The following RNF130 variants were observed in gnomAD, a reference collection of about 807,000 sequenced individuals.
The protein encoded by RNF130 is ring finger protein 130.
Under a neutral mutation model 44.6 loss-of-function variants are expected in RNF130, and 21 were observed. The observed-to-expected ratio is 0.47, with a 90% confidence interval of 0.33 to 0.68. The LOEUF is 0.68. RNF130 is among the 30% of genes least tolerant of loss of function. The pLI, the probability that RNF130 is intolerant of heterozygous loss-of-function variation, is 0.02. For synonymous variants in RNF130, 214 were observed against 210.4 expected, an observed-to-expected ratio of 1.02 and a Z score of -0.15; for missense variants, 479 against 560.6, an observed-to-expected ratio of 0.85 and a Z score of 1.47.
rs58899481 is a variant in RNF130 at position 179,980,965 on chromosome 5, G to C, written c.694-765C>G. On this transcript the variant is annotated intron_variant, in intron 3 of 8. Coordinates refer to ENST00000521389, the MANE Select transcript of RNF130 (RefSeq NM_018434.6). ...TATACTCAAGCATGCCCAGGGCCAG[G>C]TGGCAGCACAGAGGAGGCGACTAGG... Among the ~76,000 whole-genome samples the C allele has an allele frequency of 7.5e-3, 1,144 of 152,218 alleles. 14 individuals carry two copies. Among genetic ancestry groups the C allele is most frequent in the African/African-American group, 0.026 (1,080 of 41,538 alleles).
chr5:179,976,436 G>C (rs1022442274), intron 5 of RNF130, among the ~76,000 whole-genome samples: 10 of 152,308 alleles, frequency 6.6e-5, no homozygotes, highest in African/African-American at 2.4e-4. Flanking sequence ...TGTTGAAGCA[G>C]GCAAGTGTGG....
intron 7 of RNF130, among the ~76,000 whole-genome samples, chr5:179,924,721 G>C (rs1226643292): frequency 6.6e-6 from 1 of 152,104 alleles, no homozygotes; most frequent in Admixed American, 6.6e-5. Context: ...CCTGGGAGGT[G>C]GAGGTTGCAG....
intron 1 of RNF130, among the ~76,000 whole-genome samples, chr5:180,046,264 G>T (rs893372480): frequency 6.6e-6 from 1 of 152,030 alleles, no homozygotes; most frequent in Non-Finnish European, 1.5e-5. Context: ...GGCCAGCCTC[G>T]GCCAGCCCAG....
At chr5:179,943,601 G>T (rs1344906121) in intron 7 of RNF130, among the ~76,000 whole-genome samples, 1 of 152,218 alleles carries the variant, frequency 6.6e-6, no homozygotes, top group Admixed American at 6.5e-5. Flanking sequence ...CTGCCTGCAA[G>T]ATAGATGTGT....
chr5:179,967,945 T>C (rs968498272), intron 6 of RNF130, among the ~76,000 whole-genome samples: 1 of 152,218 alleles, frequency 6.6e-6, no homozygotes, highest in Non-Finnish European at 1.5e-5. Flanking sequence ...TAACCTGCAA[T>C]ACATTTTAGG....
chr5:179,980,144 T>G lies in RNF130; in HGVS notation c.750A>C (p.Val250=). Residue 250 remains valine (V), a synonymous_variant, in exon 4 of 9, where the codon GTA becomes GTC. Transcript: ENST00000521389. ...KAISKLTTRT[V]KKGDKETDPD... is the part of the protein sequence containing the mutation. ...ATGACTGTACCTTGTCACCCTTCTT[T>G]ACTGTCCTGGTTGTCAATTTACTGA... The G allele has an allele frequency of 6.2e-7, 1 of 1,614,164 alleles. No individual in the cohort carries two copies. The highest frequency in any genetic ancestry group is 8.5e-7 in the Non-Finnish European group (1 of 1,179,998).
chr5:179,926,177 T>C (rs2113672799), intron 7 of RNF130, among the ~76,000 whole-genome samples: 1 of 152,334 alleles, frequency 6.6e-6, no homozygotes, highest in East Asian at 1.9e-4. Flanking sequence ...CTAGTGCCTG[T>C]CAGTGAACTA....
Position 179,974,912 on chromosome 5 carries a change from G to A in RNF130, c.848+3291C>T, listed in dbSNP as rs572821826. On this transcript the variant is annotated intron_variant, in intron 5 of 8. Coordinates refer to ENST00000521389, the MANE Select transcript of RNF130 (RefSeq NM_018434.6). ...TGCGCACCCGGGTCAGCACGCTGAG[G>A]GAATTAAACCCATTGCTTCCTCTGG... Among the ~76,000 whole-genome samples the A allele has an allele frequency of 1.1e-4, 16 of 152,370 alleles. No homozygotes were observed. The South Asian group carries it at 3.3e-3, about 32-fold the overall frequency.
At chr5:179,967,046 G>A in intron 6 of RNF130, 36 bp from the exon 7 acceptor site, 1 of 1,548,428 alleles carries the variant, frequency 6.5e-7, no homozygotes, top group East Asian at 2.2e-5. Flanking sequence ...TAATTGTAAG[G>A]AAAACACAAC....
chr5:179,971,238 T>C (rs1450645809), intron 5 of RNF130, among the ~76,000 whole-genome samples: 3 of 152,208 alleles, frequency 2.0e-5, no homozygotes, highest in Non-Finnish European at 4.4e-5. Flanking sequence ...TCTCAAGCTC[T>C]AGCACCCGGC....
downstream of RNF130, among the ~76,000 whole-genome samples, chr5:179,954,819 C>G (rs1235218447): frequency 6.6e-6 from 1 of 152,324 alleles, no homozygotes; most frequent in East Asian, 1.9e-4. Flanking sequence ...CTCAGGTAAG[C>G]TGAGGTAGAA....
intron 2 of RNF130, among the ~76,000 whole-genome samples, chr5:180,035,097 TTTTG>T (rs1764216644): frequency 6.6e-6 from 1 of 152,138 alleles, no homozygotes; most frequent in Non-Finnish European, 1.5e-5. Context: ...TGGTTTGGGG[TTTTG>T]TTTGTTCCTC....
chr5:179,950,355 G>T (rs750218665), downstream of RNF130, among the ~76,000 whole-genome samples: 2 of 152,120 alleles, frequency 1.3e-5, no homozygotes, highest in Non-Finnish European at 2.9e-5. Flanking sequence ...GGGCTCAACT[G>T]ATCCACTTGC....
intron 1 of RNF130, among the ~76,000 whole-genome samples, chr5:180,046,625 T>G (rs1423660262): frequency 2.0e-5 from 3 of 152,168 alleles, no homozygotes; most frequent in Non-Finnish European, 2.9e-5. Flanking sequence ...GTGGCAAAGA[T>G]GTGCCTCTCC....
chr5:180,016,299 C>T (rs942155669), intron 2 of RNF130, among the ~76,000 whole-genome samples: 3 of 151,386 alleles, frequency 2.0e-5, no homozygotes, highest in African/African-American at 7.3e-5. Flanking sequence ...AAAGCTGCCT[C>T]AGACACTTGA....
At chr5:180,034,837 T>C (rs113722320) in intron 2 of RNF130, among the ~76,000 whole-genome samples, 2,200 of 152,346 alleles carry the variant, frequency 0.014, 76 homozygotes, top group Admixed American at 0.079. Context: ...ACCCCAGACA[T>C]AGTTACCATA....
intron 1 of RNF130, among the ~76,000 whole-genome samples, chr5:180,060,495 A>G (rs1056849511): frequency 6.6e-6 from 1 of 152,188 alleles, no homozygotes; most frequent in Admixed American, 6.5e-5. Flanking sequence ...ACTCTGTGAA[A>G]CGGCCATCCT....
At chr5:179,921,356 T>C (rs1467496988) in intron 7 of RNF130, among the ~76,000 whole-genome samples, 2 of 152,356 alleles carry the variant, frequency 1.3e-5, no homozygotes, top group East Asian at 3.8e-4. Context: ...AATTGCATAG[T>C]ATATATTGGC....
chr5:180,007,814 T>G (rs1763496842), intron 3 of RNF130, among the ~76,000 whole-genome samples: 1 of 152,096 alleles, frequency 6.6e-6, no homozygotes, highest in Non-Finnish European at 1.5e-5. Context: ...AGCACTATCT[T>G]CCAATAGCAG....
Sources: gnomAD v4.1 joint callset for allele counts (sites outside exome capture counted in the v4.1 genomes callset) on GRCh38, gnomAD v4.1.1 for gene constraint, MANE v1.5 for transcripts, NCBI Gene and HGNC (gene_info 2026-07-23, HGNC 2026-07-21) for gene names.